GPHN: variants seen among roughly 807,000 people sequenced by gnomAD.
GPHN encodes the protein gephyrin.
In GPHN, 17 loss-of-function variants were observed where a neutral mutation model predicts 95.5. That is an observed-to-expected ratio of 0.18 (90% CI 0.12 to 0.27). The LOEUF is 0.27. Ranked by LOEUF, GPHN falls within the 10% of genes least tolerant of loss-of-function variation. GPHN has a pLI of 1.00. For synonymous variants in GPHN, 320 were observed against 322.5 expected (o/e 0.99, Z 0.08); for missense variants, 660 against 978.1 (o/e 0.67, Z 4.34).
the GPHN span, chr14:67,198,010 G>T: frequency 2.5e-6 from 2 of 807,224 alleles, no homozygotes; most frequent in East Asian, 2.7e-5. Context: ...TAATACAAGT[G>T]CCTGGTGCAG....
chr14:67,678,478 C>T, the GPHN span: 3 of 1,186,778 alleles, frequency 2.5e-6, no homozygotes, highest in South Asian at 3.7e-5. Flanking sequence ...AGTCTGCCAT[C>T]TGCCAGGGAT....
At chr14:66,714,563 G>A (rs563798403) in intron 2 of GPHN, among the ~76,000 whole-genome samples, 36 of 152,244 alleles carry the variant, frequency 2.4e-4, no homozygotes, top group African/African-American at 8.4e-4. Flanking sequence ...CCAGTTCTTA[G>A]AGGGAATGCT....
At chr14:67,083,444 G>GTAAGTT (rs1348954939) in intron 11 of GPHN, among the ~76,000 whole-genome samples, 1 of 152,062 alleles carries the variant, frequency 6.6e-6, no homozygotes, top group Non-Finnish European at 1.5e-5. Flanking sequence ...TGCCATGATT[G>GTAAGTT]TAAGTTTCCT....
chr14:67,272,320 C>A, the GPHN span, among the ~76,000 whole-genome samples: 1 of 152,140 alleles, frequency 6.6e-6, no homozygotes, highest in African/African-American at 2.4e-5. Flanking sequence ...TTTCATCTTC[C>A]CACCTTTGGT....
the GPHN span, chr14:67,205,131 C>A: frequency 6.6e-7 from 1 of 1,506,704 alleles, no homozygotes; most frequent in Non-Finnish European, 8.9e-7. Flanking sequence ...TAATCGAGAA[C>A]TAGAGGGGTT....
At chr14:67,086,131 C>T (rs1483741135) in intron 11 of GPHN, among the ~76,000 whole-genome samples, 1 of 152,114 alleles carries the variant, frequency 6.6e-6, no homozygotes, top group Non-Finnish European at 1.5e-5. Context: ...GAGTTGCTTC[C>T]ACCATTGATT....
chr14:67,621,004 GTAA>G, the GPHN span: 1 of 1,580,718 alleles, frequency 6.3e-7, no homozygotes, highest in South Asian at 1.1e-5. Flanking sequence ...TGCAGGACTA[GTAA>G]TAGACCACTT....
intron 2 of GPHN, among the ~76,000 whole-genome samples, chr14:66,758,910 C>T (rs1334810790): frequency 6.6e-6 from 1 of 152,116 alleles, no homozygotes; most frequent in African/African-American, 2.4e-5. Flanking sequence ...AACTTAAAAA[C>T]AAATAATGAG....
At chr14:67,339,985 C>G in the GPHN span, 1 of 142,234 alleles carries the variant, frequency 7.0e-6, no homozygotes, top group East Asian at 2.1e-4. Context: ...GAGCCAAGAT[C>G]GAACCATTGC....
intron 8 of GPHN, among the ~76,000 whole-genome samples, chr14:66,931,132 A>G (rs1213890587): frequency 6.9e-6 from 1 of 145,360 alleles, no homozygotes; most frequent in Non-Finnish European, 1.5e-5. Context: ...ATAATTTTGT[A>G]GGATAAAAGT....
chr14:67,427,671 C>T, the GPHN span, among the ~76,000 whole-genome samples: 3 of 152,308 alleles, frequency 2.0e-5, no homozygotes, highest in South Asian at 2.1e-4. Context: ...AACTCATTTA[C>T]GCTAAGGAGC....
At chr14:66,869,711 G>T (rs1397928105) in intron 4 of GPHN, among the ~76,000 whole-genome samples, 2 of 152,142 alleles carry the variant, frequency 1.3e-5, no homozygotes, top group Non-Finnish European at 2.9e-5. Flanking sequence ...AGAAGAATTG[G>T]AAAGTAGAAG....
At chr14:66,702,220 GT>G (rs1441799110) in intron 2 of GPHN, among the ~76,000 whole-genome samples, 1 of 152,202 alleles carries the variant, frequency 6.6e-6, no homozygotes. Flanking sequence ...CCTCCTGGTA[GT>G]TTTGGGGAAT....
intron 10 of GPHN, among the ~76,000 whole-genome samples, chr14:67,028,889 T>C (rs895433891): frequency 2.6e-5 from 4 of 152,232 alleles, no homozygotes; most frequent in African/African-American, 9.6e-5. Context: ...TTTGTCTGTT[T>C]TTCTTTTGTT....
chr14:67,161,551 G>A (rs558045525), intron 19 of GPHN, among the ~76,000 whole-genome samples: 7 of 152,048 alleles, frequency 4.6e-5, no homozygotes, highest in South Asian at 2.1e-4. Flanking sequence ...GCTTGAGCCC[G>A]GAAGTTGGAG....
At chr14:66,659,205 G>A (rs2065488744) in intron 1 of GPHN, among the ~76,000 whole-genome samples, 1 of 151,576 alleles carries the variant, frequency 6.6e-6, no homozygotes, top group African/African-American at 2.4e-5. Context: ...CTCTTGAGAT[G>A]TGCTTTTTGT....
the GPHN span, among the ~76,000 whole-genome samples, chr14:67,634,873 G>A: frequency 6.6e-6 from 1 of 152,218 alleles, no homozygotes; most frequent in Non-Finnish European, 1.5e-5. Context: ...CTTGGAGGAA[G>A]GAGATGTTAC....
chr14:67,161,400 G>A (rs1186143016), intron 19 of GPHN, among the ~76,000 whole-genome samples: 1 of 151,834 alleles, frequency 6.6e-6, no homozygotes, highest in African/African-American at 2.4e-5. Context: ...GAGCCCATGG[G>A]CAGTACTAAT....
At chr14:66,941,800 C>G (rs929261945) in intron 8 of GPHN, among the ~76,000 whole-genome samples, 1 of 151,824 alleles carries the variant, frequency 6.6e-6, no homozygotes, top group African/African-American at 2.4e-5. Context: ...CAGATACTTT[C>G]CAAATTCTAG....
Sources: allele counts gnomAD v4.1 joint callset (sites outside exome capture counted in the v4.1 genomes callset), GRCh38; gene constraint gnomAD v4.1.1; transcripts MANE v1.5; gene names NCBI Gene and HGNC (gene_info 2026-07-23, HGNC 2026-07-21).